The following ZBTB20 variants were observed in gnomAD, a reference collection of about 807,000 sequenced individuals.
The protein encoded by ZBTB20 is zinc finger and BTB domain containing 20.
Under a neutral mutation model 56.9 loss-of-function variants are expected in ZBTB20, and 9 were observed. The observed-to-expected ratio is 0.16, with a 90% CI of 0.10 to 0.28. ZBTB20 has a LOEUF of 0.28. ZBTB20 is among the 10% of genes least tolerant of loss of function. The pLI is 1.00. For missense variants in ZBTB20, 655 were observed against 1,003.0 expected, an observed-to-expected ratio of 0.65 and a Z score of 4.69; for synonymous variants, 417 against 420.7, an observed-to-expected ratio of 0.99 and a Z score of 0.11.
intron 4 of ZBTB20, among the ~76,000 whole-genome samples, chr3:114,879,744 TA>T (rs747872548): frequency 6.6e-6 from 1 of 152,156 alleles, no homozygotes; most frequent in Non-Finnish European, 1.5e-5. Context: ...ACGTCAGACC[TA>T]TTTTCTACAC....
At chr3:114,807,878 G>A (rs1467524081) in intron 4 of ZBTB20, among the ~76,000 whole-genome samples, 1 of 151,956 alleles carries the variant, frequency 6.6e-6, no homozygotes, top group African/African-American at 2.4e-5. Flanking sequence ...TTTCTACTTT[G>A]CCACATTTGG....
At chr3:115,127,906 A>G (rs559201687) in intron 1 of ZBTB20, among the ~76,000 whole-genome samples, 4 of 152,330 alleles carry the variant, frequency 2.6e-5, no homozygotes, top group South Asian at 2.1e-4. Context: ...AACTGAAATA[A>G]TAAGAATTAA....
At chr3:114,576,735 T>TA (rs1220089433) in intron 6 of ZBTB20, among the ~76,000 whole-genome samples, 2 of 151,510 alleles carry the variant, frequency 1.3e-5, no homozygotes, top group Admixed American at 6.6e-5. Flanking sequence ...AACTGTACTT[T>TA]AAAACTTCAA....
rs769630983 is a variant in ZBTB20, at chr3:115,078,613, G to GTGTATATATATATA, written c.-702-7200_-702-7199insTATATATATATACA. On this transcript the variant is annotated intron_variant, in intron 1 of 11. Transcript: ENST00000675478. The stretch of plus-strand genomic sequence containing the variant: ...TAAGAATATGTGTGTGTGTGTGTGT[G>GTGTATATATATATA]TATATATATATATATATATATATAT... Among the ~76,000 whole-genome samples, 82 of 137,812 alleles carry GTGTATATATATATA rather than the reference G, an allele frequency of 6.0e-4. 2 individuals are homozygous for GTGTATATATATATA. The highest frequency in any genetic ancestry group is 2.9e-3 in the South Asian group (12 of 4,190). 90.4% of individuals were successfully genotyped at this position (137,812 alleles called of 152,430 possible). A position where few individuals can be genotyped will look rare whatever the true frequency, so the allele number is the denominator to read the frequency against.
chr3:114,887,720 T>G (rs1043220761), intron 4 of ZBTB20, among the ~76,000 whole-genome samples: 1 of 152,186 alleles, frequency 6.6e-6, no homozygotes, highest in Non-Finnish European at 1.5e-5. Flanking sequence ...TGTGAGAGAA[T>G]AAATTTCTGT....
chr3:115,011,058 A>G (rs2079683426), intron 2 of ZBTB20, among the ~76,000 whole-genome samples: 1 of 151,930 alleles, frequency 6.6e-6, no homozygotes, highest in African/African-American at 2.4e-5. Flanking sequence ...CAAGCGGAAG[A>G]AAGAATCAGT....
At chr3:114,964,386 G>A (rs1003199542) in intron 3 of ZBTB20, among the ~76,000 whole-genome samples, 2 of 152,160 alleles carry the variant, frequency 1.3e-5, no homozygotes, top group African/African-American at 4.8e-5. Flanking sequence ...CTGCACTCCA[G>A]CCTGGGCAAC....
At chr3:115,060,896 T>C (rs2081987889) in intron 2 of ZBTB20, among the ~76,000 whole-genome samples, 1 of 152,150 alleles carries the variant, frequency 6.6e-6, no homozygotes, top group African/African-American at 2.4e-5. Context: ...AAATAATCTA[T>C]TCAATATTTC....
intron 6 of ZBTB20, among the ~76,000 whole-genome samples, chr3:114,610,690 C>A (rs552939608): frequency 6.6e-6 from 1 of 152,270 alleles, no homozygotes; most frequent in East Asian, 1.9e-4. Flanking sequence ...TCCATGAAAT[C>A]AGGAGAGTCC....
intron 6 of ZBTB20, among the ~76,000 whole-genome samples, chr3:114,596,335 T>G (rs551288904): frequency 5.3e-5 from 8 of 152,314 alleles, no homozygotes; most frequent in South Asian, 2.1e-4. Flanking sequence ...AAACTTAGAA[T>G]GCACAATGAT....
intron 7 of ZBTB20, among the ~76,000 whole-genome samples, chr3:114,474,775 C>G (rs1244957242): frequency 2.0e-5 from 3 of 152,152 alleles, no homozygotes; most frequent in African/African-American, 7.2e-5. Context: ...TGGATTAATT[C>G]TCCCGCCACA....
At chr3:115,083,899 T>C (rs991800504) in intron 1 of ZBTB20, among the ~76,000 whole-genome samples, 1 of 152,004 alleles carries the variant, frequency 6.6e-6, no homozygotes, top group African/African-American at 2.4e-5. Context: ...TTGGTATTAA[T>C]ATAAAATGTA....
At position 114,328,391 on chromosome 3, in the gene ZBTB20, A is replaced by G. The variant is rs2079128023; in HGVS notation, c.*10614T>C. On this transcript the variant is annotated 3_prime_UTR_variant, in exon 12 of 12. Coordinates refer to ENST00000675478, the MANE Select transcript of ZBTB20 (RefSeq NM_001348800.3). ...TCTTTTCTTTAGATTCCTATAATCT[A>G]AAGTCTGATAAACAAGTAATTTGAC... 1 of 152,324 alleles carries G rather than the reference A, an allele frequency of 6.6e-6. No homozygotes were observed. The highest frequency in any genetic ancestry group is 6.5e-5 in the Admixed American group (1 of 15,302). 9.4% of individuals were successfully genotyped at this position (152,324 alleles called of 1,614,324 possible). A position where few individuals can be genotyped will look rare whatever the true frequency, so the allele number is the denominator to read the frequency against.
intron 3 of ZBTB20, among the ~76,000 whole-genome samples, chr3:114,969,204 G>C (rs528222730): frequency 2.8e-4 from 42 of 152,248 alleles, no homozygotes; most frequent in Admixed American, 2.2e-3. Context: ...CACAGAGCTA[G>C]CATTCCATAA....
At chr3:114,867,334 G>C (rs1387496164) in intron 4 of ZBTB20, among the ~76,000 whole-genome samples, 1 of 152,152 alleles carries the variant, frequency 6.6e-6, no homozygotes, top group Non-Finnish European at 1.5e-5. Context: ...TCCTTACCAT[G>C]ATAGCAAGCT....
chr3:114,749,495 G>T (rs2067380758), intron 5 of ZBTB20, among the ~76,000 whole-genome samples: 1 of 151,856 alleles, frequency 6.6e-6, no homozygotes, highest in South Asian at 2.1e-4. Flanking sequence ...GGAGCTTGCA[G>T]TGAGCCGAGA....
At chr3:114,917,372 T>C (rs754418083) in intron 3 of ZBTB20, among the ~76,000 whole-genome samples, 4 of 152,182 alleles carry the variant, frequency 2.6e-5, no homozygotes, top group Non-Finnish European at 5.9e-5. Context: ...GTGCCTTATT[T>C]AGATTGCTTG....
chr3:114,882,577 G>A (rs1183575408), intron 4 of ZBTB20, among the ~76,000 whole-genome samples: 4 of 151,760 alleles, frequency 2.6e-5, no homozygotes, highest in Non-Finnish European at 5.9e-5. Context: ...CCATAAAATG[G>A]AAATATTAAG....
At chr3:114,742,213 G>T (rs1366917774) in intron 5 of ZBTB20, among the ~76,000 whole-genome samples, 1 of 152,066 alleles carries the variant, frequency 6.6e-6, no homozygotes, top group East Asian at 1.9e-4. Flanking sequence ...TGGTGGGAAG[G>T]GGGAGGGCAG....
Sources: allele counts gnomAD v4.1 joint callset (sites outside exome capture counted in the v4.1 genomes callset), GRCh38; gene constraint gnomAD v4.1.1; transcripts MANE v1.5; gene names NCBI Gene and HGNC (gene_info 2026-07-23, HGNC 2026-07-21).